Variants in P2RX5 observed in about 807,000 individuals in gnomAD.
P2RX5 encodes P2X purinoceptor 5.
P2RX5 carries 46 observed loss-of-function variants against 54.1 expected under a neutral mutation model. The ratio of observed to expected loss-of-function variants is 0.85; its 90% CI spans 0.67 to 1.09. The LOEUF is 1.09. Ranked by LOEUF, P2RX5 falls within the 50% of genes least tolerant of loss-of-function variation. P2RX5 has a pLI of 0.00. For missense variants in P2RX5, 566 were observed against 549.8 expected (o/e 1.03, Z -0.29); for synonymous variants, 226 against 226.4 (o/e 1.00, Z 0.02).
At chr17:3,689,410 C>G in intron 7 of P2RX5, 82 bp downstream of exon 7, 2 of 1,541,988 alleles carry the variant, frequency 1.3e-6, no homozygotes, top group South Asian at 2.2e-5. Context: ...CCACGAGTCC[C>G]CGTCCACACC....
intron 9 of P2RX5, among the ~76,000 whole-genome samples, chr17:3,685,772 G>C (rs1321032219): frequency 1.7e-4 from 2 of 11,698 alleles, no homozygotes; most frequent in African/African-American, 2.5e-4. Flanking sequence ...CCCTCCCAAC[G>C]TCCCCCGCCC....
In P2RX5 at chr17:3,690,643, C is replaced by A. The variant is rs1597268748; in HGVS notation, c.398G>T (p.Ser133Ile). ...GIPDGACSKD[S>I]DCHAGEAVTA... ...AACCGCTTCCCCAGCGTGGCAGTCG[C>A]TGTCCTTGGAGCACGCGCCATCAGG... The change falls in exon 4 of 12, where the codon AGC becomes ATC. Residue 133 changes from serine (S) to isoleucine (I), a missense_variant. Transcript: ENST00000225328. 1.9e-6 allele frequency: 3 copies of A among 1,613,454 alleles called. No homozygotes were observed. Among genetic ancestry groups the A allele is most frequent in the Non-Finnish European group, 2.5e-6 (3 of 1,180,034 alleles).
the P2RX5 span, among the ~76,000 whole-genome samples, chr17:3,706,837 C>T: frequency 6.6e-6 from 1 of 152,154 alleles, no homozygotes; most frequent in African/African-American, 2.4e-5. Flanking sequence ...GTCTCCATCT[C>T]CTGACCTGGT....
chr17:3,719,256 A>G, the P2RX5 span, among the ~76,000 whole-genome samples: 2 of 142,074 alleles, frequency 1.4e-5, no homozygotes, highest in South Asian at 4.2e-4. Flanking sequence ...AAAAAAAAAA[A>G]GAAAAGAAAA....
the P2RX5 span, chr17:3,723,199 A>G: frequency 1.1e-6 from 1 of 912,216 alleles, no homozygotes; most frequent in Admixed American, 1.8e-5. Flanking sequence ...GGACATGGAC[A>G]TGTTATGCAA....
chr17:3,714,906 A>G, the P2RX5 span: 2 of 1,610,582 alleles, frequency 1.2e-6, no homozygotes, highest in Non-Finnish European at 1.7e-6. Context: ...ATGCTCTCCA[A>G]GTTCAGTTGT....
chr17:3,716,852 A>C, the P2RX5 span: 1 of 985,408 alleles, frequency 1.0e-6, no homozygotes, highest in Non-Finnish European at 1.6e-6. Context: ...ACAAGGAAAA[A>C]ATCCTACATG....
At chr17:3,700,511 C>A (rs573273844), upstream of P2RX5, among the ~76,000 whole-genome samples, 3 of 148,476 alleles carry the variant, frequency 2.0e-5, no homozygotes, top group Admixed American at 1.4e-4. Flanking sequence ...CCAGCCTGGG[C>A]GACAGAGTGA....
chr17:3,684,897 G>A (rs1425330034), intron 9 of P2RX5, among the ~76,000 whole-genome samples: 1 of 138,540 alleles, frequency 7.2e-6, no homozygotes, highest in African/African-American at 2.6e-5. Flanking sequence ...CCAGGCTGGG[G>A]TGCAGTTGTG....
At chr17:3,701,968 G>A in the P2RX5 span, among the ~76,000 whole-genome samples, 3 of 152,016 alleles carry the variant, frequency 2.0e-5, no homozygotes, top group East Asian at 1.9e-4. Context: ...TAGTAGAGAC[G>A]GAGTTTCACC....
chr17:3,677,336 C>CG (rs2050127621), intron 11 of P2RX5: 1 of 973,202 alleles, frequency 1.0e-6, no homozygotes, highest in South Asian at 4.8e-5. Flanking sequence ...CCATATTCCC[C>CG]GGGCGTCCCG....
At chr17:3,701,769 T>G in the P2RX5 span, among the ~76,000 whole-genome samples, 20 of 149,348 alleles carry the variant, frequency 1.3e-4, no homozygotes, top group South Asian at 1.1e-3. Flanking sequence ...TTGTTTTTTT[T>G]TTTTAAGACA....
chr17:3,704,756 C>T, the P2RX5 span, among the ~76,000 whole-genome samples: 21 of 152,318 alleles, frequency 1.4e-4, no homozygotes, highest in East Asian at 1.7e-3. Flanking sequence ...CCTGTAATCC[C>T]GGCACTTTGG....
chr17:3,680,242 A>G (rs1443066021), intron 10 of P2RX5, among the ~76,000 whole-genome samples: 5 of 36,892 alleles, frequency 1.4e-4, no homozygotes, highest in South Asian at 9.6e-4. Context: ...TCCTCCACCC[A>G]GCGTCCTCCA....
chr17:3,722,992 T>G, the P2RX5 span, among the ~76,000 whole-genome samples: 1 of 151,878 alleles, frequency 6.6e-6, no homozygotes, highest in African/African-American at 2.4e-5. Context: ...TGGAGAGAAG[T>G]GAATGGGTTT....
chr17:3,722,536 C>A, the P2RX5 span: 3 of 151,672 alleles, frequency 2.0e-5, no homozygotes, highest in African/African-American at 7.3e-5. Context: ...GAAGAAACCA[C>A]CTACGTCAGG....
chr17:3,705,777 G>A, the P2RX5 span, among the ~76,000 whole-genome samples: 1 of 152,022 alleles, frequency 6.6e-6, no homozygotes, highest in African/African-American at 2.4e-5. Flanking sequence ...TTTTATTTTT[G>A]TGTGTATATT....
chr17:3,709,084 T>C, the P2RX5 span, among the ~76,000 whole-genome samples: 1 of 151,626 alleles, frequency 6.6e-6, no homozygotes, highest in Non-Finnish European at 1.5e-5. Flanking sequence ...CCCAAGGAGG[T>C]GGGATTACAG....
intron 2 of P2RX5, 132 bp from the exon 3 acceptor site, chr17:3,691,159 A>G: frequency 1.4e-6 from 1 of 703,672 alleles, no homozygotes; most frequent in East Asian, 2.7e-5. Flanking sequence ...AACTTGGTAT[A>G]CTCTGCCCAT....
Sources: allele counts gnomAD v4.1 joint callset (sites outside exome capture counted in the v4.1 genomes callset), GRCh38; gene constraint gnomAD v4.1.1; transcripts MANE v1.5; gene names NCBI Gene and HGNC (gene_info 2026-07-23, HGNC 2026-07-21).